BTBD9: variants seen among roughly 807,000 people sequenced by gnomAD.
BTBD9 encodes the protein BTB/POZ domain-containing protein 9.
In BTBD9, 49 loss-of-function variants were observed where a neutral mutation model predicts 64.3. That is an observed-to-expected ratio of 0.76 (90% CI 0.61 to 0.97). BTBD9 has a LOEUF of 0.97. Ranked by LOEUF, BTBD9 falls within the 50% of genes least tolerant of loss-of-function variation. The pLI is 0.00. For missense variants in BTBD9, 598 were observed against 762.1 expected (o/e 0.78, Z 2.53); for synonymous variants, 260 against 274.7 (o/e 0.95, Z 0.53).
chr6:38,234,811 T>G (rs909986776), intron 9 of BTBD9, among the ~76,000 whole-genome samples: 1 of 152,262 alleles, frequency 6.6e-6, no homozygotes, highest in African/African-American at 2.4e-5. Context: ...TTTTGCCTTT[T>G]TTACTTCACT....
At chr6:38,410,093 G>A (rs2127256448) in intron 6 of BTBD9, among the ~76,000 whole-genome samples, 1 of 152,174 alleles carries the variant, frequency 6.6e-6, no homozygotes, top group African/African-American at 2.4e-5. Context: ...ATGACTTAAA[G>A]AATATCAAGA....
At chr6:38,420,424 C>A (rs1767851259) in intron 6 of BTBD9, among the ~76,000 whole-genome samples, 1 of 152,130 alleles carries the variant, frequency 6.6e-6, no homozygotes, top group South Asian at 2.1e-4. Flanking sequence ...AATAAAATCC[C>A]TGGGTCATGG....
chr6:38,331,051 C>T (rs1040572199), intron 7 of BTBD9, among the ~76,000 whole-genome samples: 2 of 152,050 alleles, frequency 1.3e-5, no homozygotes, highest in African/African-American at 4.8e-5. Context: ...ATAGGAATAA[C>T]TCAAAATTAA....
At chr6:38,534,756 ATG>A in intron 6 of BTBD9, among the ~76,000 whole-genome samples, 1 of 152,144 alleles carries the variant, frequency 6.6e-6, no homozygotes, top group Non-Finnish European at 1.5e-5. Context: ...TATCAACAGA[ATG>A]AGGACAAAAA....
rs765447367 is a variant in BTBD9, at chr6:38,594,123, A to G, written c.390T>C (p.Ser130=). The G allele has an allele frequency of 8.1e-6, 13 of 1,614,226 alleles. No individual in the cohort carries two copies. The highest frequency in any genetic ancestry group is 1.1e-5 in the Non-Finnish European group (13 of 1,180,028). The stretch of plus-strand genomic sequence containing the variant: ...TGTTAAGTATGGTGCAGAGATACTC[A>G]GAGGTAGAATCCTCTAGCTCTGGAA... ...YGFPELEDST[S]EYLCTILNIQ... is the part of the protein sequence containing the mutation. The change falls in exon 3 of 11, where the codon TCT becomes TCC. Residue 130 remains serine (S), a synonymous_variant. Transcript: ENST00000481247.
intron 9 of BTBD9, among the ~76,000 whole-genome samples, chr6:38,251,277 T>C (rs1435575343): frequency 5.3e-5 from 8 of 151,370 alleles, no homozygotes; most frequent in Non-Finnish European, 1.2e-4. Flanking sequence ...TTTTTTTTTT[T>C]TTTTAAAGAT....
At chr6:38,545,533 A>C (rs1774493178) in intron 6 of BTBD9, among the ~76,000 whole-genome samples, 1 of 152,076 alleles carries the variant, frequency 6.6e-6, no homozygotes, top group South Asian at 2.1e-4. Context: ...TAATCCCAGC[A>C]CTTTGGGAGG....
chr6:38,295,227 C>T (rs569760325), intron 7 of BTBD9, among the ~76,000 whole-genome samples: 35 of 152,196 alleles, frequency 2.3e-4, no homozygotes, highest in African/African-American at 4.3e-4. Context: ...TGCAGTGGTA[C>T]GATCACGGTT....
intron 6 of BTBD9, among the ~76,000 whole-genome samples, chr6:38,348,162 A>G (rs965583248): frequency 6.6e-6 from 1 of 152,178 alleles, no homozygotes; most frequent in Non-Finnish European, 1.5e-5. Context: ...AAAAGAAGTT[A>G]TTACTACCCA....
chr6:38,587,653 C>G (rs1441062439), intron 4 of BTBD9: 1 of 606,162 alleles, frequency 1.6e-6, no homozygotes, highest in African/African-American at 1.9e-5. Flanking sequence ...CTGTCGAGAA[C>G]TGACAGAACT....
rs982733512 is a variant in BTBD9 at position 38,277,297 on chromosome 6, G to A, written c.1454+10975C>T. Among the ~76,000 whole-genome samples the A allele has an allele frequency of 6.6e-5, 10 of 151,422 alleles. 1 individual carries two copies. In the South Asian group the frequency reaches 2.1e-3, roughly 32 times the overall value. On this transcript the variant is annotated intron_variant, in intron 8 of 10. Transcript: ENST00000481247. Reference sequence around the variant, plus strand: ...CAATGAAGCCTCTCATTTTGGGTCAGAATTGTGCAATAAACAGACATAGGC... The same window carrying A: ...CAATGAAGCCTCTCATTTTGGGTCAAAATTGTGCAATAAACAGACATAGGC...
At chr6:38,578,734 A>G (rs1441056445) in intron 5 of BTBD9, among the ~76,000 whole-genome samples, 3 of 152,156 alleles carry the variant, frequency 2.0e-5, no homozygotes, top group African/African-American at 7.2e-5. Context: ...AAGATTCTGA[A>G]TTTTTCACCT....
chr6:38,549,031 A>G (rs1774680722), intron 6 of BTBD9, among the ~76,000 whole-genome samples: 1 of 152,230 alleles, frequency 6.6e-6, no homozygotes, highest in South Asian at 2.1e-4. Flanking sequence ...CCCCAAATCT[A>G]GCCTCTCAGT....
chr6:38,542,310 T>A (rs1238216546), intron 6 of BTBD9, among the ~76,000 whole-genome samples: 1 of 152,320 alleles, frequency 6.6e-6, no homozygotes, highest in East Asian at 1.9e-4. Context: ...TATGTCTTTT[T>A]TCCTGGTTTC....
intron 7 of BTBD9, among the ~76,000 whole-genome samples, chr6:38,290,551 C>T (rs1761915812): frequency 6.6e-6 from 1 of 152,058 alleles, no homozygotes; most frequent in African/African-American, 2.4e-5. Context: ...TTCACTCACC[C>T]TATGTATTCA....
chr6:38,356,918 T>C (rs902173541), intron 6 of BTBD9, among the ~76,000 whole-genome samples: 1 of 152,088 alleles, frequency 6.6e-6, no homozygotes, highest in African/African-American at 2.4e-5. Context: ...GAAGAATGTG[T>C]TTGTGGATGG....
At chr6:38,438,261 A>G (rs1292723887) in intron 6 of BTBD9, among the ~76,000 whole-genome samples, 1 of 151,014 alleles carries the variant, frequency 6.6e-6, no homozygotes, top group Admixed American at 6.6e-5. Flanking sequence ...GAAGGAAGGA[A>G]GGAACAGACT....
At chr6:38,456,480 C>G (rs1317454578) in intron 6 of BTBD9, among the ~76,000 whole-genome samples, 1 of 152,032 alleles carries the variant, frequency 6.6e-6, no homozygotes, top group Non-Finnish European at 1.5e-5. Flanking sequence ...CCAGATGATC[C>G]CCATCCTGAC....
intron 6 of BTBD9, among the ~76,000 whole-genome samples, chr6:38,495,516 C>T (rs1401417520): frequency 6.6e-6 from 1 of 152,130 alleles, no homozygotes; most frequent in Non-Finnish European, 1.5e-5. Context: ...CATTAGAAGA[C>T]CCAAAGATGG....
Sources: allele counts gnomAD v4.1 joint callset (sites outside exome capture counted in the v4.1 genomes callset), GRCh38; gene constraint gnomAD v4.1.1; transcripts MANE v1.5; gene names NCBI Gene and HGNC (gene_info 2026-07-23, HGNC 2026-07-21).